FAM131B: variants seen among roughly 807,000 people sequenced by gnomAD.
The protein encoded by FAM131B is protein FAM131B.
Under a neutral mutation model 42.0 loss-of-function variants are expected in FAM131B, and 19 were observed. That is an observed-to-expected ratio of 0.45 (90% CI 0.32 to 0.66). The LOEUF (loss-of-function observed/expected upper bound fraction) is 0.66. Ranked by LOEUF, FAM131B falls within the 30% of genes least tolerant of loss-of-function variation. The pLI is 0.05. For synonymous variants in FAM131B, 183 were observed against 177.6 expected (o/e 1.03, Z -0.24); for missense variants, 370 against 468.4 (o/e 0.79, Z 1.94).
chr7:143,359,891 G>T lies in FAM131B; in HGVS notation c.139-124C>A. The T allele has an allele frequency of 9.5e-7, 1 of 1,048,328 alleles. No homozygotes were observed. The highest frequency in any genetic ancestry group is 1.4e-6 in the Non-Finnish European group (1 of 693,492). 64.9% of individuals were successfully genotyped at this position (1,048,328 alleles called of 1,614,324 possible). Reference sequence around the variant, plus strand: ...GGAGGGCTTTCCTGAGGTTGATGCCGCTAACTGGGTTCTCCATGTGGACTG... The same window carrying T: ...GGAGGGCTTTCCTGAGGTTGATGCCTCTAACTGGGTTCTCCATGTGGACTG... On this transcript the variant is annotated intron_variant, in intron 2 of 6. Coordinates refer to ENST00000443739, the MANE Select transcript of FAM131B (RefSeq NM_001031690.3). The surrounding 1 kb of genome is among the most constrained non-coding windows in gnomAD (Gnocchi z 5.4).
At chr7:143,366,892 C>A (rs1804193290), upstream of FAM131B, among the ~76,000 whole-genome samples, 1 of 152,028 alleles carries the variant, frequency 6.6e-6, no homozygotes, top group Non-Finnish European at 1.5e-5. Context: ...GAATGATTTC[C>A]TAAATATTCA....
At position 143,360,094 on chromosome 7, in the gene FAM131B, G is replaced by A; in HGVS notation, c.84C>T (p.Asn28=). 1 of 1,614,048 alleles carries A rather than the reference G, an allele frequency of 6.2e-7. No individual in the cohort carries two copies. Among genetic ancestry groups the A allele is most frequent in the Non-Finnish European group, 8.5e-7 (1 of 1,180,000 alleles). The change falls in exon 2 of 7, where the codon AAC becomes AAT. Residue 28 remains asparagine, a synonymous_variant. Coordinates refer to ENST00000443739, the MANE Select transcript of FAM131B (RefSeq NM_001031690.3). ...WKGLKDVDQI[N]MDSTSSLHGS... ...CGTGCAGTGAGCTGGTGCTGTCCAT[G>A]TTGATTTGATCGACATCCTTCAGGC...
chr7:143,377,811 T>C, the FAM131B span, among the ~76,000 whole-genome samples: 2 of 152,160 alleles, frequency 1.3e-5, no homozygotes, highest in Non-Finnish European at 2.9e-5. Flanking sequence ...CCTCCCAGGT[T>C]CAAGTGATTC....
upstream of FAM131B, among the ~76,000 whole-genome samples, chr7:143,364,860 T>C (rs1225892862): frequency 6.6e-6 from 1 of 151,288 alleles, no homozygotes; most frequent in Non-Finnish European, 1.5e-5. Context: ...GGCGGGGGGG[T>C]TCTCTAATTC....
At position 143,356,630 on chromosome 7, in the gene FAM131B, C is replaced by T. The variant is rs17854363; in HGVS notation, c.1003G>A (p.Ala335Thr). ...SPREDPEMST[A>T]LSRKVSDVTS... The stretch of plus-strand genomic sequence containing the variant: ...ACGTCAGACACCTTCCGGCTGAGAG[C>T]GGTAGACATCTCAGGGTCTTCTCGT... The change falls in exon 7 of 7, where the codon GCT becomes ACT. Residue 335 changes from alanine to threonine, a missense_variant. By Grantham distance (58) the Ala-to-Thr change is moderately conservative. Coordinates refer to ENST00000443739, the MANE Select transcript of FAM131B (RefSeq NM_001031690.3). The surrounding 1 kb of genome is among the most constrained non-coding windows in gnomAD (Gnocchi z 4.4). The T allele has an allele frequency of 0.19, 313,916 of 1,613,588 alleles. 32,438 individuals carry two copies. Among genetic ancestry groups the T allele is most frequent in the East Asian group, 0.35 (15,504 of 44,842 alleles).
the FAM131B span, chr7:143,381,555 A>G: frequency 6.2e-7 from 1 of 1,606,070 alleles, no homozygotes; most frequent in Non-Finnish European, 8.5e-7. Flanking sequence ...GACCCACCCC[A>G]GCAGCCCGGC....
At chr7:143,377,085 G>T in the FAM131B span, among the ~76,000 whole-genome samples, 1 of 151,956 alleles carries the variant, frequency 6.6e-6, no homozygotes, top group Non-Finnish European at 1.5e-5. Context: ...AGCAATTCTC[G>T]TAGCTGGGAT....
At chr7:143,360,359 G>T (rs551725411) in intron 1 of FAM131B, 101 of 1,412,844 alleles carry the variant, frequency 7.1e-5, no homozygotes, top group Middle Eastern at 5.3e-4. Flanking sequence ...CTCAGAAAAA[G>T]TGATGTATGG....
chr7:143,374,768 TCTC>T, the FAM131B span, among the ~76,000 whole-genome samples: 1 of 152,052 alleles, frequency 6.6e-6, no homozygotes, highest in Non-Finnish European at 1.5e-5. Context: ...TGCAAACACT[TCTC>T]CTTTTGCATG....
At chr7:143,381,769 G>T in the FAM131B span, 1 of 1,574,782 alleles carries the variant, frequency 6.4e-7, no homozygotes, top group Non-Finnish European at 8.6e-7. Flanking sequence ...TTCCCCCGCC[G>T]CCCCCGGAAG....
chr7:143,381,352 C>A, the FAM131B span: 1 of 1,152,920 alleles, frequency 8.7e-7, no homozygotes. Flanking sequence ...GACGCAGAGT[C>A]TGCGGACCCG....
the FAM131B span, chr7:143,380,839 G>A: frequency 4.2e-6 from 4 of 948,496 alleles, no homozygotes; most frequent in South Asian, 1.9e-4. This position sits in a 1 kb window ranked among gnomAD's most constrained non-coding sequence, Gnocchi z 5.0. Context: ...CGGACTCGGG[G>A]TGGCCGGGTA....
chr7:143,381,328 C>G, the FAM131B span: 5 of 1,130,560 alleles, frequency 4.4e-6, no homozygotes, highest in Non-Finnish European at 5.4e-6. Flanking sequence ...CGGCTGGAGG[C>G]TGCTCCGGAC....
chr7:143,371,597 C>A, the FAM131B span, among the ~76,000 whole-genome samples: 2 of 123,142 alleles, frequency 1.6e-5, no homozygotes, highest in Admixed American at 2.1e-4. Flanking sequence ...CTGGGCAACA[C>A]CGCAAGACCC....
At chr7:143,375,422 A>T in the FAM131B span, among the ~76,000 whole-genome samples, 1 of 152,184 alleles carries the variant, frequency 6.6e-6, no homozygotes, top group Non-Finnish European at 1.5e-5. Context: ...TGCTGTTGGT[A>T]GACCTGAATA....
upstream of FAM131B, among the ~76,000 whole-genome samples, chr7:143,367,550 C>A (rs1284225824): frequency 6.6e-6 from 1 of 152,082 alleles, no homozygotes; most frequent in Non-Finnish European, 1.5e-5. Flanking sequence ...ACTAAAAATA[C>A]AAAAATTATC....
the FAM131B span, among the ~76,000 whole-genome samples, chr7:143,374,897 T>C: frequency 3.9e-5 from 6 of 152,248 alleles, no homozygotes; most frequent in South Asian, 2.1e-4. Flanking sequence ...GTACAGGCTC[T>C]ACCGGATGCA....
chr7:143,375,356 G>A, the FAM131B span, among the ~76,000 whole-genome samples: 13 of 152,284 alleles, frequency 8.5e-5, no homozygotes, highest in African/African-American at 2.6e-4. Context: ...AGCATCTCAC[G>A]CTTGGGTACA....
chr7:143,362,635 C>T lies in FAM131B; in HGVS notation c.-32G>A. On this transcript the variant is annotated 5_prime_UTR_variant, in exon 1 of 7. Coordinates refer to ENST00000443739, the MANE Select transcript of FAM131B (RefSeq NM_001031690.3). The surrounding 1 kb of genome is among the most constrained non-coding windows in gnomAD (Gnocchi z 7.7). ...GGGGGCCGCAGAGCCGGGCCCTCAC[C>T]GACTCGGGGCGCGCGCCGGGGGGAG... 2.5e-6 allele frequency: 3 copies of T among 1,198,294 alleles called. No individual in the cohort carries two copies. The highest frequency in any genetic ancestry group is 3.1e-6 in the Non-Finnish European group (3 of 964,860). 74.2% of individuals were successfully genotyped at this position (1,198,294 alleles called of 1,614,324 possible).
Sources: gnomAD v4.1 joint callset for allele counts (sites outside exome capture counted in the v4.1 genomes callset) on GRCh38, gnomAD v4.1.1 for gene constraint, Gnocchi (gnomAD v3.1) non-coding constraint, MANE v1.5 for transcripts, NCBI Gene and HGNC (gene_info 2026-07-23, HGNC 2026-07-21) for gene names.